Variants in DPP10 observed in about 807,000 individuals in gnomAD.
DPP10 encodes dipeptidyl peptidase like 10.
A neutral mutation model predicts 120.9 loss-of-function variants in DPP10; 33 were observed. That is an observed-to-expected ratio of 0.27 (90% CI 0.21 to 0.37). The LOEUF (loss-of-function observed/expected upper bound fraction) is 0.37, where lower values mean the gene tolerates loss of function less well. DPP10 is among the 10% of genes least tolerant of loss of function. The pLI is 1.00. For missense variants in DPP10, 816 were observed against 942.8 expected (o/e 0.87, Z 1.76); for synonymous variants, 337 against 326.1 (o/e 1.03, Z -0.36).
chr2:114,880,309 G>A (rs1207021212), intron 1 of DPP10, among the ~76,000 whole-genome samples: 4 of 152,106 alleles, frequency 2.6e-5, no homozygotes, highest in Non-Finnish European at 4.4e-5. Flanking sequence ...ATTTGGCAAC[G>A]CTACAGTGAC....
chr2:115,254,146 G>C (rs533345148), intron 1 of DPP10, among the ~76,000 whole-genome samples: 4 of 152,294 alleles, frequency 2.6e-5, no homozygotes, highest in Non-Finnish European at 5.9e-5. Flanking sequence ...TAATTTATAA[G>C]GAAAGAGGTT....
intron 1 of DPP10, among the ~76,000 whole-genome samples, chr2:115,298,175 C>A (rs1042648025): frequency 6.6e-6 from 1 of 152,028 alleles, no homozygotes; most frequent in Non-Finnish European, 1.5e-5. Flanking sequence ...GTGAAATAGT[C>A]TCTGACCTGG....
intron 1 of DPP10, among the ~76,000 whole-genome samples, chr2:114,949,214 C>T (rs116187118): frequency 0.018 from 2,734 of 152,156 alleles, 44 homozygotes; most frequent in Non-Finnish European, 0.027. Context: ...TGAGCCACCG[C>T]GCCTGGCCCA....
intron 10 of DPP10, among the ~76,000 whole-genome samples, chr2:115,746,704 T>G (rs1193389586): frequency 6.6e-6 from 1 of 152,132 alleles, no homozygotes; most frequent in African/African-American, 2.4e-5. Context: ...CACATTTTAT[T>G]GGGTCAGAAG....
chr2:114,644,887 C>A (rs1211076719), intron 1 of DPP10, among the ~76,000 whole-genome samples: 1 of 151,832 alleles, frequency 6.6e-6, no homozygotes, highest in African/African-American at 2.4e-5. Flanking sequence ...GATACTGGAC[C>A]ATTTTAGTTG....
intron 1 of DPP10, among the ~76,000 whole-genome samples, chr2:115,035,795 A>C (rs897341059): frequency 3.9e-5 from 6 of 152,246 alleles, no homozygotes; most frequent in African/African-American, 7.2e-5. Flanking sequence ...AAAAACAATT[A>C]GAATATAACA....
At chr2:114,784,178 T>C (rs1057501682) in intron 1 of DPP10, among the ~76,000 whole-genome samples, 1 of 152,100 alleles carries the variant, frequency 6.6e-6, no homozygotes, top group African/African-American at 2.4e-5. Context: ...TAGTGTCGAC[T>C]AACCTGATCA....
chr2:114,831,380 C>A (rs1353093142), intron 1 of DPP10, among the ~76,000 whole-genome samples: 1 of 152,066 alleles, frequency 6.6e-6, no homozygotes, highest in Non-Finnish European at 1.5e-5. Context: ...ATGAACAGAA[C>A]CCCCAAACTG....
At chr2:115,466,347 T>G (rs1042569721) in intron 3 of DPP10, among the ~76,000 whole-genome samples, 1 of 152,186 alleles carries the variant, frequency 6.6e-6, no homozygotes, top group Non-Finnish European at 1.5e-5. Context: ...AGAGCTACTA[T>G]TCCTCAGAAC....
intron 5 of DPP10, among the ~76,000 whole-genome samples, chr2:115,675,043 C>T (rs964106066): frequency 7.2e-5 from 11 of 152,110 alleles, no homozygotes; most frequent in Non-Finnish European, 1.6e-4. Context: ...ATTGTCAACC[C>T]ACAGCCTTTT....
At chr2:114,945,571 T>C (rs2104603019) in intron 1 of DPP10, among the ~76,000 whole-genome samples, 1 of 152,204 alleles carries the variant, frequency 6.6e-6, no homozygotes, top group East Asian at 1.9e-4. Context: ...TCCCAGCACT[T>C]TGGGAGGCCG....
chr2:115,034,959 T>G (rs1026387939), intron 1 of DPP10, among the ~76,000 whole-genome samples: 1 of 152,158 alleles, frequency 6.6e-6, no homozygotes, highest in Non-Finnish European at 1.5e-5. Context: ...TCAAGTGGGG[T>G]CAGGCACTCT....
At chr2:114,844,172 C>G (rs1045789535) in intron 1 of DPP10, among the ~76,000 whole-genome samples, 7 of 152,056 alleles carry the variant, frequency 4.6e-5, no homozygotes, top group African/African-American at 7.2e-5. Flanking sequence ...TAACATAAAG[C>G]AAGCTGTTGG....
chr2:115,043,287 T>A (rs1704805963), intron 1 of DPP10, among the ~76,000 whole-genome samples: 1 of 152,198 alleles, frequency 6.6e-6, no homozygotes, highest in Admixed American at 6.5e-5. Context: ...ATCACCTAAT[T>A]CATCAAAATC....
intron 2 of DPP10, among the ~76,000 whole-genome samples, chr2:115,312,179 C>A (rs2061606183): frequency 6.6e-6 from 1 of 152,094 alleles, no homozygotes; most frequent in South Asian, 2.1e-4. Flanking sequence ...AATAATAATG[C>A]TGGAGTGGAA....
At chr2:114,702,430 C>T (rs1042033213) in intron 1 of DPP10, among the ~76,000 whole-genome samples, 1 of 151,980 alleles carries the variant, frequency 6.6e-6, no homozygotes, top group East Asian at 1.9e-4. Context: ...CTGCCTGGTC[C>T]ACTGGTAGTG....
At chr2:114,751,291 T>C (rs1679192957) in intron 1 of DPP10, among the ~76,000 whole-genome samples, 1 of 152,220 alleles carries the variant, frequency 6.6e-6, no homozygotes, top group Admixed American at 6.5e-5. Context: ...AAATGCCAAA[T>C]ATATACAAGT....
At chr2:114,594,120 C>A (rs1157616326) in intron 1 of DPP10, among the ~76,000 whole-genome samples, 1 of 152,014 alleles carries the variant, frequency 6.6e-6, no homozygotes, top group Non-Finnish European at 1.5e-5. Flanking sequence ...CCACCCTTAA[C>A]TGGGTGGGCA....
intron 1 of DPP10, among the ~76,000 whole-genome samples, chr2:114,671,219 G>A (rs1698318606): frequency 6.6e-6 from 1 of 152,140 alleles, no homozygotes; most frequent in Non-Finnish European, 1.5e-5. Flanking sequence ...TAAAGACTTA[G>A]GAGGCTATAC....
Sources: allele counts gnomAD v4.1 joint callset (sites outside exome capture counted in the v4.1 genomes callset), GRCh38; gene constraint gnomAD v4.1.1; transcripts MANE v1.5; gene names NCBI Gene and HGNC (gene_info 2026-07-23, HGNC 2026-07-21).